The following PCDHGB2 variants were observed in gnomAD, a reference collection of about 807,000 sequenced individuals.
The protein encoded by PCDHGB2 is protocadherin gamma subfamily B, 2.
Under a neutral mutation model 59.3 loss-of-function variants are expected in PCDHGB2, and 55 were observed. The ratio of observed to expected loss-of-function variants is 0.93; its 90% confidence interval spans 0.75 to 1.16. The LOEUF (loss-of-function observed/expected upper bound fraction) is 1.16. Among genes scored for constraint, PCDHGB2 ranks in the 50% most tolerant of loss-of-function variants. PCDHGB2 has a pLI of 0.00. For missense variants in PCDHGB2, 1,228 were observed against 1,198.5 expected (o/e 1.02, Z -0.36); for synonymous variants, 516 against 512.0 (o/e 1.01, Z -0.11).
At position 141,491,052 on chromosome 5, in the gene PCDHGB2, G is replaced by A. The variant is rs2099707642; in HGVS notation, c.2422-3755G>A. ...ATGCTGATGCAGGCCACAATGCGTG[G>A]CTCTCCTACTCACTGTTGCCACAGT... On this transcript the variant is annotated intron_variant, in intron 1 of 3. Transcript: ENST00000522605. The surrounding 1 kb of genome is among the most constrained non-coding windows in gnomAD (Gnocchi z 6.9). 3.1e-6 allele frequency: 5 copies of A among 1,614,038 alleles called. No individual in the cohort carries two copies. The highest frequency in any genetic ancestry group is 4.2e-6 in the Non-Finnish European group (5 of 1,180,032).
chr5:141,387,421 A>T (rs1379081151), intron 1 of PCDHGB2, among the ~76,000 whole-genome samples: 1 of 152,250 alleles, frequency 6.6e-6, no homozygotes, highest in Non-Finnish European at 1.5e-5. Flanking sequence ...GCTTATGTCA[A>T]TAAATGTTTA....
rs570083634 is a variant in PCDHGB2, at chr5:141,427,859, C to G, written c.2421+65303C>G. 25 of 1,556,390 alleles carry G rather than the reference C, an allele frequency of 1.6e-5. No homozygotes were observed. The Admixed American group carries it at 2.0e-4, about 13-fold the overall frequency. ...CCTTCGACCACGAGCAGCTGTGCGC[C>G]TTCGAGCTCACGATGCAGGCCCACG... On this transcript the variant is annotated intron_variant, in intron 1 of 3. Coordinates refer to ENST00000522605, the MANE Select transcript of PCDHGB2 (RefSeq NM_018923.3).
chr5:141,415,419 C>A, intron 1 of PCDHGB2: 1 of 1,614,196 alleles, frequency 6.2e-7, no homozygotes, highest in East Asian at 2.2e-5. Context: ...TGGGCGTGGA[C>A]GGGGTTCGGG....
At position 141,418,812 on chromosome 5, in the gene PCDHGB2, A is replaced by T. The variant is rs761899929; in HGVS notation, c.2421+56256A>T. 4 of 1,613,914 alleles carry T rather than the reference A, an allele frequency of 2.5e-6. No individual in the cohort carries two copies. In the South Asian group the frequency reaches 4.4e-5, roughly 18 times the overall value. On this transcript the variant is annotated intron_variant, in intron 1 of 3. Transcript: ENST00000522605. ...GAAGAAGTAGAAAGATATACGATAA[A>T]CATAGAAGCAAAAGACCGAGGATCT... is the stretch of plus-strand genomic sequence containing the variant.
chr5:141,464,053 T>C (rs111614367), intron 1 of PCDHGB2, among the ~76,000 whole-genome samples: 9,857 of 152,054 alleles, frequency 0.065, 668 homozygotes, highest in African/African-American at 0.17. Flanking sequence ...TCACCTGAGG[T>C]CAGGAGTTCA....
chr5:141,388,992 C>T (rs1310959225), intron 1 of PCDHGB2: 3 of 1,613,834 alleles, frequency 1.9e-6, no homozygotes, highest in African/African-American at 1.3e-5. Flanking sequence ...GCTCAAAGTC[C>T]GTGACAAGGA....
chr5:141,477,564 A>T lies in PCDHGB2; in HGVS notation c.2422-17243A>T. 2 of 1,613,924 alleles carry T rather than the reference A, an allele frequency of 1.2e-6. No individual in the cohort carries two copies. The highest frequency in any genetic ancestry group is 1.7e-6 in the Non-Finnish European group (2 of 1,179,980). On this transcript the variant is annotated intron_variant, in intron 1 of 3. Coordinates refer to ENST00000522605, the MANE Select transcript of PCDHGB2 (RefSeq NM_018923.3). The surrounding 1 kb of genome is among the most constrained non-coding windows in gnomAD (Gnocchi z 4.9). ...CCAATACTAAACCTAAGTGTCTGGG[A>T]CCCCGACGCCCCGCAGAATGCTCGG... is the stretch of plus-strand genomic sequence containing the variant.
chr5:141,452,015 C>T (rs2098730990), intron 1 of PCDHGB2, among the ~76,000 whole-genome samples: 1 of 152,306 alleles, frequency 6.6e-6, no homozygotes, highest in African/African-American at 2.4e-5. Context: ...GTCCAGCCCA[C>T]ACTCTGGGGA....
At chr5:141,499,019 AG>A (rs2099788634) in intron 2 of PCDHGB2, among the ~76,000 whole-genome samples, 3 of 150,840 alleles carry the variant, frequency 2.0e-5, no homozygotes, top group Non-Finnish European at 3.0e-5. Context: ...GAAGGAAGGA[AG>A]GAAGGAAGAA....
intron 1 of PCDHGB2, among the ~76,000 whole-genome samples, chr5:141,381,589 C>G (rs1777301144): frequency 6.6e-6 from 1 of 152,152 alleles, no homozygotes; most frequent in Admixed American, 6.5e-5. Context: ...ATCCATTATC[C>G]AGTTTCTTAT....
At chr5:141,383,566 T>C (rs1357683326) in intron 1 of PCDHGB2, 2 of 1,613,308 alleles carry the variant, frequency 1.2e-6, no homozygotes, top group Non-Finnish European at 1.7e-6. Context: ...CCCGCCCCGA[T>C]CCAGCACCGC....
intron 1 of PCDHGB2, chr5:141,478,026 C>G: frequency 6.2e-7 from 1 of 1,614,180 alleles, no homozygotes; most frequent in Non-Finnish European, 8.5e-7. Flanking sequence ...GTCCAAGACA[C>G]AGATTCACCC....
rs374663576 is a variant in PCDHGB2, at chr5:141,489,905, G to T, written c.2422-4902G>T. On this transcript the variant is annotated intron_variant, in intron 1 of 3. Coordinates refer to ENST00000522605, the MANE Select transcript of PCDHGB2 (RefSeq NM_018923.3). The surrounding 1 kb of genome is among the most constrained non-coding windows in gnomAD (Gnocchi z 4.5). ...GCTGTGGATGGGGGGACCCCAGCCC[G>T]CTCAGGGACCACCCTTATCTCTGTC... The T allele has an allele frequency of 9.7e-5, 156 of 1,614,226 alleles. 3 individuals are homozygous for T. The South Asian group carries it at 1.6e-3, about 16-fold the overall frequency.
intron 1 of PCDHGB2, chr5:141,364,833 G>A (rs1165362537): frequency 3.1e-6 from 5 of 1,613,882 alleles, no homozygotes; most frequent in African/African-American, 2.7e-5. Flanking sequence ...AACTCTCTCC[G>A]GAGTTACCAG....
chr5:141,419,734 G>A, intron 1 of PCDHGB2: 2 of 1,613,792 alleles, frequency 1.2e-6, no homozygotes, highest in Non-Finnish European at 1.7e-6. Context: ...GAACAGGCGA[G>A]GTGCGCATGG....
chr5:141,485,357 C>T lies in PCDHGB2; in HGVS notation c.2422-9450C>T. ...GCTGGATACGGACAGTCTGTCAGCT[C>T]GCAGGCTGCAGGTCGCTGGAGAGGT... On this transcript the variant is annotated intron_variant, in intron 1 of 3. Transcript: ENST00000522605. The surrounding 1 kb of genome is among the most constrained non-coding windows in gnomAD (Gnocchi z 5.7). 1.2e-6 allele frequency: 2 copies of T among 1,614,084 alleles called. No individual in the cohort carries two copies. The highest frequency in any genetic ancestry group is 1.1e-5 in the South Asian group (1 of 91,070).
In PCDHGB2 at chr5:141,375,320, G is replaced by A. The variant is rs1338614455; in HGVS notation, c.2421+12764G>A. On this transcript the variant is annotated intron_variant, in intron 1 of 3. Coordinates refer to ENST00000522605, the MANE Select transcript of PCDHGB2 (RefSeq NM_018923.3). ...AGTGACAAATGCAGCTCTAGACCGG[G>A]AAGAGGTATTCTTGTACAACATCAC... is the stretch of plus-strand genomic sequence containing the variant. The A allele has an allele frequency of 6.2e-7, 1 of 1,613,688 alleles. No homozygotes were observed. The highest frequency in any genetic ancestry group is 2.2e-5 in the East Asian group (1 of 44,890).
chr5:141,489,696 C>T lies in PCDHGB2; in HGVS notation c.2422-5111C>T. On this transcript the variant is annotated intron_variant, in intron 1 of 3. Transcript: ENST00000522605. This position sits in a 1 kb window ranked among gnomAD's most constrained non-coding sequence, Gnocchi z 4.5. ...AATCAGCAGCATCTGGGGCACGATT[C>T]CCACTGGACAGTGCCCAGGATCCGG... 6.2e-7 allele frequency: 1 copy of T among 1,614,170 alleles called. No homozygotes were observed. Among genetic ancestry groups the T allele is most frequent in the Non-Finnish European group, 8.5e-7 (1 of 1,180,002 alleles).
At chr5:141,425,842 T>G (rs2096897830) in intron 1 of PCDHGB2, among the ~76,000 whole-genome samples, 1 of 152,230 alleles carries the variant, frequency 6.6e-6, no homozygotes, top group Non-Finnish European at 1.5e-5. Context: ...TTCTCTTTGC[T>G]GGGTTAATGA....
Sources: gnomAD v4.1 joint callset for allele counts (sites outside exome capture counted in the v4.1 genomes callset) on GRCh38, gnomAD v4.1.1 for gene constraint, Gnocchi (gnomAD v3.1) non-coding constraint, MANE v1.5 for transcripts, NCBI Gene and HGNC (gene_info 2026-07-23, HGNC 2026-07-21) for gene names.